The following CNBD1 variants were observed in gnomAD, a reference collection of about 807,000 sequenced individuals.
The protein encoded by CNBD1 is cyclic nucleotide binding domain containing 1.
In CNBD1, 71 loss-of-function variants were observed where a neutral mutation model predicts 54.4. That is an observed-to-expected ratio of 1.30 (90% CI 1.08 to 1.59). The LOEUF is 1.59. Among genes scored for constraint, CNBD1 ranks in the 40% most tolerant of loss-of-function variants. The pLI, the probability that CNBD1 is intolerant of heterozygous loss-of-function variation, is 0.00. For synonymous variants in CNBD1, 182 were observed against 170.7 expected (o/e 1.07, Z -0.51); for missense variants, 659 against 518.0 (o/e 1.27, Z -2.64).
chr8:87,005,338 C>T (rs1275669382), intron 4 of CNBD1, among the ~76,000 whole-genome samples: 1 of 151,804 alleles, frequency 6.6e-6, no homozygotes, highest in South Asian at 2.1e-4. Flanking sequence ...CCACTGCACT[C>T]CAGCCTGGGC....
chr8:87,130,551 T>C (rs1812096502), intron 4 of CNBD1, among the ~76,000 whole-genome samples: 1 of 151,876 alleles, frequency 6.6e-6, no homozygotes, highest in African/African-American at 2.4e-5. Flanking sequence ...CCAAGATAGG[T>C]GAATTAATTG....
At chr8:87,413,906 A>G (rs1346835637) in intron 2 of CNBD1, among the ~76,000 whole-genome samples, 1 of 150,992 alleles carries the variant, frequency 6.6e-6, no homozygotes, top group African/African-American at 2.4e-5. Flanking sequence ...AAATAGGAAC[A>G]CTTTTACACT....
intron 8 of CNBD1, among the ~76,000 whole-genome samples, chr8:87,300,006 A>G (rs1808952649): frequency 1.3e-5 from 2 of 152,188 alleles, no homozygotes; most frequent in South Asian, 4.1e-4. Context: ...TGAAAAATAT[A>G]ATATAGTGAA....
intron 6 of CNBD1, among the ~76,000 whole-genome samples, chr8:87,242,748 A>T (rs909620784): frequency 6.6e-6 from 1 of 152,218 alleles, no homozygotes; most frequent in African/African-American, 2.4e-5. Flanking sequence ...ACAGTCATTT[A>T]TATTTGGCTC....
At chr8:87,222,825 A>G (rs1814371112) in intron 5 of CNBD1, among the ~76,000 whole-genome samples, 1 of 152,210 alleles carries the variant, frequency 6.6e-6, no homozygotes, top group African/African-American at 2.4e-5. Context: ...GTTCATTAAT[A>G]GAAGTATAGT....
At chr8:87,319,923 A>C (rs980181112) in intron 8 of CNBD1, among the ~76,000 whole-genome samples, 1 of 152,020 alleles carries the variant, frequency 6.6e-6, no homozygotes, top group Non-Finnish European at 1.5e-5. Context: ...ATGTTTTAAC[A>C]ACAAAATTTT....
chr8:86,983,755 A>G (rs188024568), intron 4 of CNBD1, among the ~76,000 whole-genome samples: 114 of 152,300 alleles, frequency 7.5e-4, no homozygotes, highest in Admixed American at 4.7e-3. Flanking sequence ...GGCAGAAGAA[A>G]TTTCTAAGCA....
chr8:87,082,203 C>T (rs7813704), intron 4 of CNBD1, among the ~76,000 whole-genome samples: 2,591 of 152,244 alleles, frequency 0.017, 58 homozygotes, highest in African/African-American at 0.048. Flanking sequence ...ACATTCCCCC[C>T]GGACAATGAG....
At chr8:87,395,778 C>T (rs1010856623) in intron 2 of CNBD1, among the ~76,000 whole-genome samples, 11 of 151,824 alleles carry the variant, frequency 7.2e-5, no homozygotes, top group South Asian at 2.1e-4. Context: ...CTAATCCCCA[C>T]GTATCATGGG....
At chr8:87,055,883 TTTCCTTCCTTCC>T (rs71277912) in intron 4 of CNBD1, among the ~76,000 whole-genome samples, 12,142 of 92,886 alleles carry the variant, frequency 0.13, 1,099 homozygotes, top group African/African-American at 0.24. Flanking sequence ...CTGCTTGACC[TTTCCTTCCTTCC>T]TTCCTTCCTT....
intron 8 of CNBD1, among the ~76,000 whole-genome samples, chr8:87,292,826 T>C (rs1044598633): frequency 1.3e-5 from 2 of 152,176 alleles, no homozygotes. Context: ...GGTTCTAAAG[T>C]TCATCCCCTG....
chr8:87,428,455 A>C (rs1808087102), intron 2 of CNBD1: 1 of 323,280 alleles, frequency 3.1e-6, no homozygotes, highest in Admixed American at 4.5e-5. Context: ...TACTATTTTG[A>C]AATATTGATA....
intron 4 of CNBD1, among the ~76,000 whole-genome samples, chr8:87,113,808 A>G (rs1162589781): frequency 2.0e-5 from 3 of 151,748 alleles, no homozygotes; most frequent in Admixed American, 2.0e-4. Context: ...AGTCCCAGCT[A>G]CTCGGGAGGC....
chr8:86,961,095 A>T (rs1807917094), intron 4 of CNBD1, among the ~76,000 whole-genome samples: 1 of 152,218 alleles, frequency 6.6e-6, no homozygotes, highest in South Asian at 2.1e-4. Flanking sequence ...TAGCCTGTTT[A>T]TATATAGCAA....
At chr8:87,228,029 G>T (rs905369160) in intron 5 of CNBD1, among the ~76,000 whole-genome samples, 6 of 151,416 alleles carry the variant, frequency 4.0e-5, no homozygotes, top group Non-Finnish European at 5.9e-5. Context: ...CCAGTTGATC[G>T]CATCGGCTCC....
chr8:87,215,641 T>C lies in CNBD1; in HGVS notation c.577+9503T>C, dbSNP rs142726682. The stretch of plus-strand genomic sequence containing the variant: ...GGGAATGATAAAAGTATTCTAACGT[T>C]AGATTGTGACGAGATTCAATGTATC... On this transcript the variant is annotated intron_variant, in intron 5 of 10. Coordinates refer to ENST00000518476, the MANE Select transcript of CNBD1 (RefSeq NM_173538.3). Among the ~76,000 whole-genome samples the C allele has an allele frequency of 7.9e-5, 12 of 152,218 alleles. No individual in the cohort carries two copies. The East Asian group carries it at 1.7e-3, about 22-fold the overall frequency.
chr8:87,210,090 AT>A (rs1290549310), intron 5 of CNBD1, among the ~76,000 whole-genome samples: 1 of 152,208 alleles, frequency 6.6e-6, no homozygotes, highest in African/African-American at 2.4e-5. Flanking sequence ...TCTTTAATGA[AT>A]GGTGTTGGAG....
At chr8:87,272,189 T>A (rs1585973375) in intron 6 of CNBD1, among the ~76,000 whole-genome samples, 1 of 151,980 alleles carries the variant, frequency 6.6e-6, no homozygotes, top group South Asian at 2.1e-4. Context: ...ATGATTATAG[T>A]TAACATTAAT....
At chr8:87,341,183 C>A (rs996486457) in intron 8 of CNBD1, among the ~76,000 whole-genome samples, 2 of 152,062 alleles carry the variant, frequency 1.3e-5, no homozygotes, top group Non-Finnish European at 2.9e-5. Context: ...CACTCATAAC[C>A]TCTTGCTCTC....
Sources: gnomAD v4.1 joint callset for allele counts (sites outside exome capture counted in the v4.1 genomes callset) on GRCh38, gnomAD v4.1.1 for gene constraint, MANE v1.5 for transcripts, NCBI Gene and HGNC (gene_info 2026-07-23, HGNC 2026-07-21) for gene names.